ARHGAP5: variants seen among roughly 807,000 people sequenced by gnomAD.
ARHGAP5 encodes rho GTPase-activating protein 5.
A neutral mutation model predicts 116.6 loss-of-function variants in ARHGAP5; 23 were observed. The ratio of observed to expected loss-of-function variants is 0.20; its 90% CI spans 0.14 to 0.28. The LOEUF is 0.28. ARHGAP5 is among the 10% of genes least tolerant of loss of function. The probability of loss-of-function intolerance (pLI) is 1.00; values close to 1 mark genes in which losing one functional copy is unlikely to be tolerated. For synonymous variants in ARHGAP5, 574 were observed against 602.0 expected (o/e 0.95, Z 0.68); for missense variants, 1,405 against 1,774.8 (o/e 0.79, Z 3.74).
intron 3 of ARHGAP5, among the ~76,000 whole-genome samples, chr14:32,136,380 T>C (rs1446336419): frequency 6.6e-6 from 1 of 152,232 alleles, no homozygotes; most frequent in African/African-American, 2.4e-5. Flanking sequence ...ATGTGACCTT[T>C]TGTGTATGGC....
chr14:32,115,754 G>T (rs1054800886), intron 2 of ARHGAP5, among the ~76,000 whole-genome samples: 1 of 148,854 alleles, frequency 6.7e-6, no homozygotes, highest in Non-Finnish European at 1.5e-5. Context: ...GGTGAATCAT[G>T]AGGTCAGGAG....
chr14:32,137,591 A>G (rs1056414110), intron 3 of ARHGAP5, among the ~76,000 whole-genome samples: 1 of 151,992 alleles, frequency 6.6e-6, no homozygotes, highest in Non-Finnish European at 1.5e-5. Flanking sequence ...TTTCCTTTCC[A>G]TTTCTGCAAA....
At chr14:32,097,046 CATT>C (rs1878559735) in intron 2 of ARHGAP5, among the ~76,000 whole-genome samples, 1 of 152,146 alleles carries the variant, frequency 6.6e-6, no homozygotes, top group African/African-American at 2.4e-5. Flanking sequence ...TGCTTACAAT[CATT>C]GTTTAGAGTG....
chr14:32,093,533 G>C lies in ARHGAP5; in HGVS notation c.2864G>C (p.Arg955Thr). Reference protein sequence around the residue: ...IENSYLSDNTRESTHQSEDVF... With the variant: ...IENSYLSDNTTESTHQSEDVF... Reference sequence around the variant, plus strand: ...AATTCTTATTTGTCTGATAATACAAGGGAATCAACCCATCAAAGTGAAGAT... The same window carrying C: ...AATTCTTATTTGTCTGATAATACAACGGAATCAACCCATCAAAGTGAAGAT... Residue 955 changes from arginine to threonine, a missense_variant, in exon 2 of 7, where the codon AGG becomes ACG. Arg to Thr is a moderately conservative substitution (Grantham distance 71, BLOSUM62 -1). Around this residue, in one of 6 missense-constraint regions of ARHGAP5, gnomAD observed 944 missense variants for 1,095.3 expected, o/e 0.86. Transcript: ENST00000345122. 1 of 1,613,712 alleles carries C rather than the reference G, an allele frequency of 6.2e-7. No individual in the cohort carries two copies.
chr14:32,138,773 T>A (rs1880943005), intron 3 of ARHGAP5, among the ~76,000 whole-genome samples: 1 of 152,208 alleles, frequency 6.6e-6, no homozygotes, highest in Non-Finnish European at 1.5e-5. Flanking sequence ...TTGTTCTTGA[T>A]CTTAGGGGAA....
chr14:32,078,396 A>G (rs1216732471), intron 1 of ARHGAP5: 1 of 152,262 alleles, frequency 6.6e-6, no homozygotes, highest in East Asian at 1.9e-4. Context: ...GGATTTGGCC[A>G]TCGCTTAATA....
At chr14:32,131,383 C>T (rs897059768) in intron 3 of ARHGAP5, among the ~76,000 whole-genome samples, 2 of 150,830 alleles carry the variant, frequency 1.3e-5, no homozygotes, top group African/African-American at 4.9e-5. Flanking sequence ...TAAAATGTGT[C>T]ATGTTAACCA....
At chr14:32,136,992 T>C (rs1288987935) in intron 3 of ARHGAP5, among the ~76,000 whole-genome samples, 2 of 151,994 alleles carry the variant, frequency 1.3e-5, no homozygotes, top group Non-Finnish European at 2.9e-5. Context: ...ATCAGGTAAG[T>C]GATTTGCAAG....
Position 32,088,713 on chromosome 14 carries a change from G to C in ARHGAP5, c.-168-1789G>C, listed in dbSNP as rs138887155. ...TCCTTTATTACATGTATACACTGCT[G>C]CCACATAAATATTTGTAAGTCACAA... On this transcript the variant is annotated intron_variant, in intron 1 of 6. Coordinates refer to ENST00000345122, the MANE Select transcript of ARHGAP5 (RefSeq NM_001030055.2). Among the ~76,000 whole-genome samples, 21 of 152,100 alleles carry C rather than the reference G, an allele frequency of 1.4e-4. No individual in the cohort carries two copies. The East Asian group carries it at 4.1e-3, about 29-fold the overall frequency.
At chr14:32,141,627 G>T (rs976203127) in intron 3 of ARHGAP5, among the ~76,000 whole-genome samples, 1 of 152,086 alleles carries the variant, frequency 6.6e-6, no homozygotes, top group African/African-American at 2.4e-5. Context: ...TTACTGTCTA[G>T]TGCCCTTTCA....
chr14:32,123,382 A>G (rs1254507855), intron 3 of ARHGAP5, among the ~76,000 whole-genome samples: 1 of 152,014 alleles, frequency 6.6e-6, no homozygotes, highest in East Asian at 1.9e-4. Flanking sequence ...GTATGGCCAA[A>G]TGTAGAAATG....
At position 32,090,873 on chromosome 14, in the gene ARHGAP5, CAA is replaced by C; in HGVS notation, c.205_206del (p.Asn69Ter). ...TTGACTTTGGAGGACGAGTAGTAAA[CAA>C]TGATCACTTTTTGTACTGGGGTGAC... is the stretch of plus-strand genomic sequence containing the variant. ...TIDFGGRVVN[N>X]DHFLYWGDII... On this transcript the variant is annotated frameshift_variant, in exon 2 of 7. Transcript: ENST00000345122. LOFTEE classifies it high-confidence loss of function. The C allele has an allele frequency of 6.2e-7, 1 of 1,613,592 alleles. No individual in the cohort carries two copies.
At chr14:32,135,403 C>A (rs1880736712) in intron 3 of ARHGAP5, among the ~76,000 whole-genome samples, 1 of 152,164 alleles carries the variant, frequency 6.6e-6, no homozygotes, top group African/African-American at 2.4e-5. Flanking sequence ...TTCACCAGAT[C>A]CTAGAATTTT....
chr14:32,130,647 TCTC>T (rs1880438641), intron 3 of ARHGAP5, among the ~76,000 whole-genome samples: 1 of 152,090 alleles, frequency 6.6e-6, no homozygotes, highest in African/African-American at 2.4e-5. Flanking sequence ...TTCAAACGAT[TCTC>T]CTGCTTCAGC....
intron 1 of ARHGAP5, among the ~76,000 whole-genome samples, chr14:32,088,649 T>TA (rs1003734414): frequency 3.9e-4 from 59 of 152,132 alleles, no homozygotes; most frequent in African/African-American, 1.3e-3. Flanking sequence ...TTTTACTTAA[T>TA]AAAAAAAGTT....
At position 32,077,472 on chromosome 14, in the gene ARHGAP5, T is replaced by A. The variant is rs557477214; in HGVS notation, c.-169+37T>A. On this transcript the variant is annotated intron_variant, in intron 1 of 6. Coordinates refer to ENST00000345122, the MANE Select transcript of ARHGAP5 (RefSeq NM_001030055.2). The stretch of plus-strand genomic sequence containing the variant: ...CGGACCCCGCTCCTCCAAGCCTGCC[T>A]GCCCCCTCCCGGACGGGGACCCTCC... The A allele has an allele frequency of 1.2e-5, 8 of 686,470 alleles. No homozygotes were observed. In the South Asian group the frequency reaches 1.2e-4, roughly 10 times the overall value. The allele number at this position is 686,470 out of a possible 1,614,324, so 42.5% of individuals were successfully genotyped here. A position where few individuals can be genotyped will look rare whatever the true frequency, so the allele number is the denominator to read the frequency against.
chr14:32,080,797 G>GTT (rs1294547747), intron 1 of ARHGAP5, among the ~76,000 whole-genome samples: 1 of 151,974 alleles, frequency 6.6e-6, no homozygotes, highest in Non-Finnish European at 1.5e-5. Context: ...CCCCCACTGT[G>GTT]TTTTGGAAGC....
intron 1 of ARHGAP5, 93 bp downstream of exon 1, chr14:32,077,528 GC>G (rs1338893412): frequency 1.1e-5 from 7 of 640,808 alleles, no homozygotes; most frequent in Non-Finnish European, 1.7e-5. Flanking sequence ...GGTCGCCGCT[GC>G]CGGTTGTAAC....
intron 3 of ARHGAP5, among the ~76,000 whole-genome samples, chr14:32,125,991 C>CT (rs1213448789): frequency 4.6e-5 from 7 of 152,054 alleles, no homozygotes; most frequent in Admixed American, 1.3e-4. Context: ...ATTATTAGCT[C>CT]TATTTTTTGT....
Sources: gnomAD v4.1 joint callset for allele counts (sites outside exome capture counted in the v4.1 genomes callset) on GRCh38, gnomAD v4.1.1 for gene constraint, gnomAD v4.1.1 regional missense constraint, MANE v1.5 for transcripts, NCBI Gene and HGNC (gene_info 2026-07-23, HGNC 2026-07-21) for gene names.